The following KCMF1 variants were observed in gnomAD, a reference collection of about 807,000 sequenced individuals.
KCMF1 encodes E3 ubiquitin-protein ligase KCMF1.
KCMF1 carries 3 observed loss-of-function variants against 41.1 expected under a neutral mutation model. The ratio of observed to expected loss-of-function variants is 0.07; its 90% CI spans 0.03 to 0.19. KCMF1 has a LOEUF of 0.19. Among genes scored for constraint, KCMF1 ranks in the 10% least tolerant of loss-of-function variants. The pLI is 1.00. For synonymous variants in KCMF1, 142 were observed against 164.5 expected, an observed-to-expected ratio of 0.86 and a Z score of 1.04; for missense variants, 286 against 488.9, an observed-to-expected ratio of 0.58 and a Z score of 3.91.
At chr2:85,028,232 G>T (rs1675160557) in intron 2 of KCMF1, among the ~76,000 whole-genome samples, 176 bp downstream of exon 2, 1 of 152,134 alleles carries the variant, frequency 6.6e-6, no homozygotes, top group Admixed American at 6.6e-5. Flanking sequence ...GCCCAGGCTG[G>T]AGTGCAATGG....
At chr2:85,018,780 C>T (rs1429152460) in intron 1 of KCMF1, among the ~76,000 whole-genome samples, 2 of 134,450 alleles carry the variant, frequency 1.5e-5, no homozygotes, top group Admixed American at 7.5e-5. Flanking sequence ...TGTTATAATA[C>T]TTTTCAGAAC....
chr2:85,018,267 ATTTTTTTTT>A (rs373718008), intron 1 of KCMF1, among the ~76,000 whole-genome samples: 2 of 126,888 alleles, frequency 1.6e-5, no homozygotes, highest in East Asian at 5.0e-4. Context: ...ACTAAGCTAG[ATTTTTTTTT>A]TTTTTTTTTT....
In KCMF1 at chr2:85,008,044, T is replaced by A. The variant is rs1407364153; in HGVS notation, c.17-19845T>A. The stretch of plus-strand genomic sequence containing the variant: ...TCCCAAAGTGCTGGGATTACAGGCG[T>A]GAGCCACCGTGCCCAGCCGCTAGTT... On this transcript the variant is annotated intron_variant, in intron 1 of 6. Transcript: ENST00000409785. 2.6e-5 allele frequency among the ~76,000 whole-genome samples: 4 copies of A among 151,942 alleles called. No homozygotes were observed. In the South Asian group the frequency reaches 8.3e-4, roughly 31 times the overall value.
intron 1 of KCMF1, chr2:84,971,920 G>T (rs1036797166): frequency 1.3e-5 from 2 of 152,044 alleles, no homozygotes; most frequent in African/African-American, 4.8e-5. Flanking sequence ...AAAAGAGCCG[G>T]CCCGGGACCC....
intron 1 of KCMF1, among the ~76,000 whole-genome samples, chr2:84,976,628 T>TA (rs546103210): frequency 0.026 from 3,580 of 136,330 alleles, 59 homozygotes; most frequent in South Asian, 0.093. Flanking sequence ...CCTATTTCTT[T>TA]AAAAAAAAAA....
chr2:85,004,267 T>G (rs1674409251), intron 1 of KCMF1, among the ~76,000 whole-genome samples: 1 of 152,100 alleles, frequency 6.6e-6, no homozygotes, highest in Admixed American at 6.5e-5. Flanking sequence ...ATCCCAGCAC[T>G]TTGGGAGGCC....
intron 1 of KCMF1, among the ~76,000 whole-genome samples, chr2:85,003,489 TA>T (rs915113982): frequency 2.6e-5 from 4 of 151,494 alleles, no homozygotes; most frequent in African/African-American, 7.3e-5. Flanking sequence ...AAAAAAAAAA[TA>T]AGTCTTGTTT....
At chr2:84,974,075 G>A (rs1947785) in intron 1 of KCMF1, among the ~76,000 whole-genome samples, 10,125 of 151,952 alleles carry the variant, frequency 0.067, 581 homozygotes, top group East Asian at 0.34. Flanking sequence ...TGATCCACCC[G>A]CCTTGGCCTC....
At chr2:85,037,160 A>G (rs1359102983) in intron 3 of KCMF1, among the ~76,000 whole-genome samples, 1 of 152,182 alleles carries the variant, frequency 6.6e-6, no homozygotes. Flanking sequence ...CTTTTGGTAC[A>G]TAGCCCAAGG....
intron 1 of KCMF1, among the ~76,000 whole-genome samples, chr2:84,989,771 G>C (rs1445920759): frequency 6.6e-6 from 1 of 152,152 alleles, no homozygotes; most frequent in Non-Finnish European, 1.5e-5. Flanking sequence ...AGGAAGCAGG[G>C]AAAAGAGAAG....
rs748391575 is a variant in KCMF1 at position 85,049,363 on chromosome 2, C to T, written c.602-3C>T. 2 of 1,611,234 alleles carry T rather than the reference C, an allele frequency of 1.2e-6. No homozygotes were observed. The highest frequency in any genetic ancestry group is 1.1e-5 in the South Asian group (1 of 91,044). ...CATTAATTGTCTTCATTTCCATTGG[C>T]AGAGCTTTTATCTCAGTTATCAGGA... On this transcript the variant is annotated splice_polypyrimidine_tract_variant and splice_region_variant and intron_variant, in intron 5 of 6. Transcript: ENST00000409785.
chr2:84,976,774 A>G (rs1019783524), intron 1 of KCMF1, among the ~76,000 whole-genome samples: 1 of 152,126 alleles, frequency 6.6e-6, no homozygotes, highest in Non-Finnish European at 1.5e-5. Context: ...TTGTTATGCT[A>G]GTTTCAGAAG....
intron 1 of KCMF1, among the ~76,000 whole-genome samples, chr2:84,999,396 C>G (rs571850614): frequency 6.6e-6 from 1 of 152,144 alleles, no homozygotes; most frequent in Non-Finnish European, 1.5e-5. Flanking sequence ...CGTGATCTGC[C>G]TGCCTCGGCC....
chr2:84,981,181 C>T (rs1441643217), intron 1 of KCMF1, among the ~76,000 whole-genome samples: 1 of 151,416 alleles, frequency 6.6e-6, no homozygotes, highest in African/African-American at 2.4e-5. Context: ...TGCACATTAT[C>T]TTCTGTTGAA....
At chr2:85,015,542 G>A (rs1168290585) in intron 1 of KCMF1, among the ~76,000 whole-genome samples, 1 of 152,178 alleles carries the variant, frequency 6.6e-6, no homozygotes, top group African/African-American at 2.4e-5. Flanking sequence ...ATAAAAGAGT[G>A]TAGATCAGTT....
At chr2:84,978,501 G>GTT (rs370147575) in intron 1 of KCMF1, among the ~76,000 whole-genome samples, 4 of 141,146 alleles carry the variant, frequency 2.8e-5, no homozygotes, top group South Asian at 2.3e-4. Context: ...TGGTTTTTGG[G>GTT]TTTTTTTTTT....
At chr2:85,013,859 G>A (rs1363809709) in intron 1 of KCMF1, 1 of 151,738 alleles carries the variant, frequency 6.6e-6, no homozygotes, top group Non-Finnish European at 1.5e-5. Context: ...TGGGGGAGGG[G>A]AGACATTAAA....
chr2:85,018,724 C>A (rs1674850275), intron 1 of KCMF1, among the ~76,000 whole-genome samples: 1 of 150,522 alleles, frequency 6.6e-6, no homozygotes, highest in Non-Finnish European at 1.5e-5. Flanking sequence ...GGTTATTCAG[C>A]TTTGCCTCTC....
chr2:85,056,778 T>TTA lies in KCMF1; in HGVS notation c.*3370_*3371insAT, dbSNP rs1174369754. On this transcript the variant is annotated 3_prime_UTR_variant, in exon 7 of 7. Coordinates refer to ENST00000409785, the MANE Select transcript of KCMF1 (RefSeq NM_020122.5). ...ATGGGTGCTAAAAGCTCTTAACAGT[T>TTA]TTGTAGAGAAGCCCTGCAGCCGTGT... is the stretch of plus-strand genomic sequence containing the variant. The TTA allele has an allele frequency of 6.6e-6, 1 of 152,158 alleles. No homozygotes were observed. The highest frequency in any genetic ancestry group is 2.4e-5 in the African/African-American group (1 of 41,438). 9.4% of individuals were successfully genotyped at this position (152,158 alleles called of 1,614,324 possible).
Sources: allele counts gnomAD v4.1 joint callset (sites outside exome capture counted in the v4.1 genomes callset), GRCh38; gene constraint gnomAD v4.1.1; transcripts MANE v1.5; gene names NCBI Gene and HGNC (gene_info 2026-07-23, HGNC 2026-07-21).